Variants in DICER1 observed in about 807,000 individuals in gnomAD.
DICER1 encodes the protein dicer 1, ribonuclease III.
Under a neutral mutation model 194.1 loss-of-function variants are expected in DICER1, and 43 were observed. The ratio of observed to expected loss-of-function variants is 0.22; its 90% CI spans 0.17 to 0.29. The LOEUF is 0.29. Among genes scored for constraint, DICER1 ranks in the 10% least tolerant of loss-of-function variants. The pLI is 1.00. For missense variants in DICER1, 1,608 were observed against 2,317.0 expected, an observed-to-expected ratio of 0.69 and a Z score of 6.28; for synonymous variants, 832 against 820.5, an observed-to-expected ratio of 1.01 and a Z score of -0.24.
chr14:95,117,536 AC>A (rs1190313473), intron 9 of DICER1, 85 bp downstream of exon 9: 10 of 1,365,076 alleles, frequency 7.3e-6, no homozygotes, highest in Non-Finnish European at 9.4e-6. Flanking sequence ...ATTCTGGGAA[AC>A]TATGAAAAAA....
At chr14:95,150,180 A>AT (rs1301121566) in intron 1 of DICER1, among the ~76,000 whole-genome samples, 2 of 152,204 alleles carry the variant, frequency 1.3e-5, no homozygotes, top group Non-Finnish European at 2.9e-5. Context: ...TTAGTTTCTC[A>AT]TTTTACAAAC....
chr14:95,131,596 T>C lies in DICER1; in HGVS notation c.351A>G (p.Ser117=). The C allele has an allele frequency of 6.2e-7, 1 of 1,613,526 alleles. No individual in the cohort carries two copies. The highest frequency in any genetic ancestry group is 8.5e-7 in the Non-Finnish European group (1 of 1,179,432). ...TTGAGTATTCCCCAACCTTGAGATC[T>C]GAATGAGTTCTGACAGCTGACACTT... ...AQQVSAVRTH[S]DLKVGEYSNL... Residue 117 remains serine (S), a synonymous_variant, in exon 4 of 27, where the codon TCA becomes TCG. Coordinates refer to ENST00000343455, the MANE Select transcript of DICER1 (RefSeq NM_177438.3).
Position 95,130,044 on chromosome 14 carries a change from G to A in DICER1, c.573+14C>T, listed in dbSNP as rs1385600095. The A allele has an allele frequency of 6.2e-7, 1 of 1,611,588 alleles. No individual in the cohort carries two copies. Among genetic ancestry groups the A allele is most frequent in the African/African-American group, 1.3e-5 (1 of 74,834 alleles). On this transcript the variant is annotated intron_variant, in intron 5 of 26. Coordinates refer to ENST00000343455, the MANE Select transcript of DICER1 (RefSeq NM_177438.3). ...GTTTACCAAGAATTACTAAGACTTAGGTCTAAAACTTACCTTCATAATTTC... is the reference window on the plus strand; with the variant it reads ...GTTTACCAAGAATTACTAAGACTTAAGTCTAAAACTTACCTTCATAATTTC...
At chr14:95,148,775 T>C (rs901014091) in intron 1 of DICER1, among the ~76,000 whole-genome samples, 19 of 152,092 alleles carry the variant, frequency 1.2e-4, no homozygotes, top group African/African-American at 4.3e-4. Context: ...TTTCAACACA[T>C]CAAAACAGCA....
intron 8 of DICER1, among the ~76,000 whole-genome samples, chr14:95,120,676 T>C (rs1200201921): frequency 6.6e-6 from 1 of 152,140 alleles, no homozygotes; most frequent in Non-Finnish European, 1.5e-5. Flanking sequence ...GCTGCAACAA[T>C]TTGAGCAACA....
chr14:95,126,751 T>G lies in DICER1; in HGVS notation c.735-3A>C. The G allele has an allele frequency of 6.2e-7, 1 of 1,604,334 alleles. No homozygotes were observed. The highest frequency in any genetic ancestry group is 8.5e-7 in the Non-Finnish European group (1 of 1,172,744). On this transcript the variant is annotated splice_polypyrimidine_tract_variant and splice_region_variant and intron_variant, in intron 6 of 26. Transcript: ENST00000343455. ...TCTCACATGGCTGAGAAGTATACCT[T>G]TAACATAAGAAACAAAAGGTATCAA...
chr14:95,129,573 A>G lies in DICER1; in HGVS notation c.633T>C (p.Asn211=). 6.2e-7 allele frequency: 1 copy of G among 1,613,748 alleles called. No homozygotes were observed. The highest frequency in any genetic ancestry group is 8.5e-7 in the Non-Finnish European group (1 of 1,179,898). ...RILGLTASIL[N]GKCDPEELEE... is the part of the protein sequence containing the mutation. ...CCAATTCCTCTGGATCACATTTCCC[A>G]TTTAAAATGGAAGCAGTTAGTCCCA... Residue 211 remains asparagine, a synonymous_variant, in exon 6 of 27, where the codon AAT becomes AAC. Coordinates refer to ENST00000343455, the MANE Select transcript of DICER1 (RefSeq NM_177438.3).
Position 95,105,597 on chromosome 14 carries a change from A to G in DICER1, c.3093+81T>C. On this transcript the variant is annotated intron_variant, in intron 19 of 26. Coordinates refer to ENST00000343455, the MANE Select transcript of DICER1 (RefSeq NM_177438.3). The surrounding 1 kb of genome is among the most constrained non-coding windows in gnomAD (Gnocchi z 4.9). ...TAACGAATCATGCATTTAACTTGGT[A>G]AGATAAAATTCAAACTTATCTTTAA... 1 of 1,077,790 alleles carries G rather than the reference A, an allele frequency of 9.3e-7. No individual in the cohort carries two copies. The highest frequency in any genetic ancestry group is 1.3e-5 in the South Asian group (1 of 74,928). The allele number at this position is 1,077,790 out of a possible 1,614,324, so 66.8% of individuals were successfully genotyped here. A position where few individuals can be genotyped will look rare whatever the true frequency, so the allele number is the denominator to read the frequency against.
At chr14:95,092,952 AGT>A (rs1018702864) in intron 24 of DICER1, among the ~76,000 whole-genome samples, 1 of 152,208 alleles carries the variant, frequency 6.6e-6, no homozygotes, top group African/African-American at 2.4e-5. Context: ...GGCGCGTTAA[AGT>A]AAGAGCAGGG....
rs1401300462 is a variant in DICER1 at position 95,105,290 on chromosome 14, A to G, written c.3094-44T>C. 1.3e-6 allele frequency: 2 copies of G among 1,537,352 alleles called. No individual in the cohort carries two copies. Among genetic ancestry groups the G allele is most frequent in the Non-Finnish European group, 1.8e-6 (2 of 1,113,948 alleles). On this transcript the variant is annotated intron_variant, in intron 19 of 26. Coordinates refer to ENST00000343455, the MANE Select transcript of DICER1 (RefSeq NM_177438.3). The surrounding 1 kb of genome is among the most constrained non-coding windows in gnomAD (Gnocchi z 4.9). ...ATGGACAGATAAATACAAAGCGCAC[A>G]CACAAAAGAAAAAAAAAAAGACCAA...
rs111794316 is a variant in DICER1 at position 95,107,253 on chromosome 14, AT to A, written c.2804+354del. Among the ~76,000 whole-genome samples the A allele has an allele frequency of 5.1e-3, 731 of 142,928 alleles. 3 individuals are homozygous for A. The highest frequency in any genetic ancestry group is 0.013 in the African/African-American group (498 of 38,872). 93.8% of individuals were successfully genotyped at this position (142,928 alleles called of 152,430 possible). A position where few individuals can be genotyped will look rare whatever the true frequency, so the allele number is the denominator to read the frequency against. ...CTTATATTCCCATGTGAATAAGTGA[AT>A]TTTTTTTTTTTTTTTGAGACAGAGT... is the stretch of plus-strand genomic sequence containing the variant. On this transcript the variant is annotated intron_variant, in intron 17 of 26. Transcript: ENST00000343455.
At position 95,090,171 on chromosome 14, in the gene DICER1, CAA is replaced by C. The variant is rs35649919; in HGVS notation, c.*325_*326del. 5,243 of 342,886 alleles carry C rather than the reference CAA, an allele frequency of 0.015. No individual in the cohort carries two copies. The highest frequency in any genetic ancestry group is 0.037 in the South Asian group (1,068 of 29,082). The allele number at this position is 342,886 out of a possible 1,614,324, so 21.2% of individuals were successfully genotyped here. On this transcript the variant is annotated 3_prime_UTR_variant, in exon 27 of 27. Coordinates refer to ENST00000343455, the MANE Select transcript of DICER1 (RefSeq NM_177438.3). The stretch of plus-strand genomic sequence containing the variant: ...ACACTAAGCAAAGCTGACATAAACT[CAA>C]AAAAAAAAAAACAAAACCTGTCAAT...
chr14:95,119,779 A>G (rs375592685), intron 8 of DICER1, among the ~76,000 whole-genome samples: 2 of 152,358 alleles, frequency 1.3e-5, no homozygotes, highest in South Asian at 2.1e-4. Context: ...AATGACTAAG[A>G]AAATGAAATT....
chr14:95,150,442 C>T (rs556149512), intron 1 of DICER1, among the ~76,000 whole-genome samples: 7 of 152,254 alleles, frequency 4.6e-5, no homozygotes, highest in African/African-American at 1.4e-4. Flanking sequence ...GCTAAGATCA[C>T]GCCACTGCAC....
Position 95,157,438 on chromosome 14 carries a change from C to A in DICER1, c.-254G>T, listed in dbSNP as rs1004760745. On this transcript the variant is annotated 5_prime_UTR_variant, in exon 1 of 27. Transcript: ENST00000343455. ...CGCGCCTCCGCCTCGACCCCTCCCG[C>A]CGGCGCCTGCGGAGACTGCGCAGCG... The A allele has an allele frequency of 6.6e-6, 1 of 152,506 alleles. No homozygotes were observed. The highest frequency in any genetic ancestry group is 1.5e-5 in the Non-Finnish European group (1 of 68,398). 9.4% of individuals were successfully genotyped at this position (152,506 alleles called of 1,614,324 possible).
At chr14:95,121,014 G>A (rs1425682731) in intron 8 of DICER1, among the ~76,000 whole-genome samples, 4 of 152,184 alleles carry the variant, frequency 2.6e-5, no homozygotes, top group Non-Finnish European at 4.4e-5. Context: ...GACGAGTGAC[G>A]TTTTGTGGTT....
At chr14:95,132,482 C>T (rs756089314) in intron 3 of DICER1, 33 bp downstream of exon 3, 1 of 1,609,576 alleles carries the variant, frequency 6.2e-7, no homozygotes, top group Non-Finnish European at 8.5e-7. Context: ...TCCAATTTCC[C>T]CTGCACAACT....
At chr14:95,094,941 G>T (rs1400545377) in intron 23 of DICER1, among the ~76,000 whole-genome samples, 1 of 152,190 alleles carries the variant, frequency 6.6e-6, no homozygotes, top group South Asian at 2.1e-4. Context: ...CGAGAACCCA[G>T]GTCTCGGAAC....
At chr14:95,097,225 A>G (rs1325270407) in intron 22 of DICER1, among the ~76,000 whole-genome samples, 1 of 152,220 alleles carries the variant, frequency 6.6e-6, no homozygotes, top group African/African-American at 2.4e-5. Context: ...AACAGATAAA[A>G]TCATTTTTTA....
Sources: gnomAD v4.1 joint callset for allele counts (sites outside exome capture counted in the v4.1 genomes callset) on GRCh38, gnomAD v4.1.1 for gene constraint, Gnocchi (gnomAD v3.1) non-coding constraint, MANE v1.5 for transcripts, NCBI Gene and HGNC (gene_info 2026-07-23, HGNC 2026-07-21) for gene names.